Variants in C1QL4 observed in about 807,000 individuals in gnomAD.
C1QL4 encodes the protein complement C1q-like protein 4.
A neutral mutation model predicts 13.4 loss-of-function variants in C1QL4; 5 were observed. The observed-to-expected ratio is 0.37, with a 90% CI of 0.19 to 0.78. C1QL4 has a LOEUF of 0.78. C1QL4 is among the 30% of genes least tolerant of loss of function. The pLI is 0.47. For missense variants in C1QL4, 367 were observed against 361.6 expected (o/e 1.01, Z -0.12); for synonymous variants, 168 against 153.9 (o/e 1.09, Z -0.68).
At position 49,336,294 on chromosome 12, in the gene C1QL4, G is replaced by C. The variant is rs1943632038; in HGVS notation, c.184C>G (p.Arg62Gly). ...CCCCGCAGGCCTGCTTTCCCGCGCC[G>C]GCCCACCTCTCCCTTGGCGCCTGGC... ...FPPGAKGEVGRRGKAGLRGPP... is the reference protein window; with the variant it reads ...FPPGAKGEVGGRGKAGLRGPP... Residue 62 changes from arginine (R) to glycine (G), a missense_variant, in exon 1 of 2, where the codon CGG becomes GGG. Arg to Gly is a moderately radical substitution (Grantham distance 125). Transcript: ENST00000334221. The surrounding 1 kb of genome is among the most constrained non-coding windows in gnomAD (Gnocchi z 7.7). The C allele has an allele frequency of 2.8e-6, 4 of 1,419,180 alleles. No individual in the cohort carries two copies. Among genetic ancestry groups the C allele is most frequent in the Middle Eastern group, 2.6e-4 (1 of 3,864 alleles). 87.9% of individuals were successfully genotyped at this position (1,419,180 alleles called of 1,614,324 possible).
At chr12:49,334,531 C>T (rs1003409478) in intron 1 of C1QL4, among the ~76,000 whole-genome samples, 7 of 152,168 alleles carry the variant, frequency 4.6e-5, no homozygotes, top group Non-Finnish European at 1.0e-4. Context: ...TGGTTATTAA[C>T]TCATTAATTA....
intron 1 of C1QL4, among the ~76,000 whole-genome samples, chr12:49,335,127 T>TGG (rs1555173496): frequency 6.6e-6 from 1 of 152,236 alleles, no homozygotes; most frequent in Non-Finnish European, 1.5e-5. Context: ...GAGGCAACAG[T>TGG]GACTCCAACT....
In C1QL4 at chr12:49,336,347, C is replaced by G; in HGVS notation, c.131G>C (p.Gly44Ala). The change falls in exon 1 of 2, where the codon GGC becomes GCC. Residue 44 changes from glycine to alanine, a missense_variant. Transcript: ENST00000334221. The surrounding 1 kb of genome is among the most constrained non-coding windows in gnomAD (Gnocchi z 7.7). ...PHGPRGPGPD[G>A]APASVPPFPP... ...GAAGGGGGGCACGGAAGCAGGCGCG[C>G]CGTCGGGACCAGGGCCACGGGGCCC... 2.8e-6 allele frequency: 4 copies of G among 1,430,954 alleles called. No homozygotes were observed. Among genetic ancestry groups the G allele is most frequent in the Non-Finnish European group, 2.7e-6 (3 of 1,102,976 alleles). 88.6% of individuals were successfully genotyped at this position (1,430,954 alleles called of 1,614,324 possible).
chr12:49,333,310 G>A (rs1482774406), intron 1 of C1QL4, 77 bp from the exon 2 acceptor site: 3 of 1,477,936 alleles, frequency 2.0e-6, no homozygotes, highest in African/African-American at 2.8e-5. Flanking sequence ...CTGGGCGTGC[G>A]AAGGCGGCCG....
At chr12:49,333,301 T>G in intron 1 of C1QL4, 68 bp from the exon 2 acceptor site, 1 of 1,511,328 alleles carries the variant, frequency 6.6e-7, no homozygotes, top group Non-Finnish European at 8.9e-7. Flanking sequence ...TCGGGGCGGC[T>G]GGGCGTGCGA....
intron 1 of C1QL4, among the ~76,000 whole-genome samples, chr12:49,334,004 A>G: frequency 6.6e-6 from 1 of 151,632 alleles, no homozygotes; most frequent in East Asian, 2.0e-4. Context: ...GACCGGCCTG[A>G]CTAACATGGA....
rs1046391012 is a variant in C1QL4, at chr12:49,332,750, ACTGCTCCCCAT to A, written c.*293_*303del. On this transcript the variant is annotated 3_prime_UTR_variant, in exon 2 of 2. Coordinates refer to ENST00000334221, the MANE Select transcript of C1QL4 (RefSeq NM_001008223.2). ...TGGGCCTCTGAGTCCCGCTATTAAAACTGCTCCCCATCTCTGTACAAAAGAGAAAGCCACGA... is the reference window on the plus strand; with the variant it reads ...TGGGCCTCTGAGTCCCGCTATTAAAACTCTGTACAAAAGAGAAAGCCACGA... 4.4e-5 allele frequency: 14 copies of A among 319,098 alleles called. No homozygotes were observed. The highest frequency in any genetic ancestry group is 6.9e-5 in the Non-Finnish European group (12 of 173,548). 19.8% of individuals were successfully genotyped at this position (319,098 alleles called of 1,614,324 possible). A position where few individuals can be genotyped will look rare whatever the true frequency, so the allele number is the denominator to read the frequency against.
rs372794441 is a variant in C1QL4 at position 49,333,486 on chromosome 12, A to G, written c.538-253T>C. 7.9e-5 allele frequency among the ~76,000 whole-genome samples: 12 copies of G among 151,548 alleles called. No individual in the cohort carries two copies. The South Asian group carries it at 1.5e-3, about 18-fold the overall frequency. On this transcript the variant is annotated intron_variant, in intron 1 of 1. Transcript: ENST00000334221. ...GGGACAATAATAGAACCCACCTCAT[A>G]GGGTGTTAAGATTAAGTGAATTACT...
chr12:49,336,228 G>T lies in C1QL4; in HGVS notation c.250C>A (p.Pro84Thr). ...GGGCCCGGGGGGCCTGGCCTGCCGG[G>T]TTCTCCTGGGGGCCCTCTTGGACCT... Reference protein sequence around the residue: ...PPGPRGPPGEPGRPGPPGPPG... With the variant: ...PPGPRGPPGETGRPGPPGPPG... The change falls in exon 1 of 2, where the codon CCC becomes ACC. Residue 84 changes from proline (P) to threonine (T), a missense_variant. Coordinates refer to ENST00000334221, the MANE Select transcript of C1QL4 (RefSeq NM_001008223.2). This position sits in a 1 kb window ranked among gnomAD's most constrained non-coding sequence, Gnocchi z 7.7. 1 of 1,488,184 alleles carries T rather than the reference G, an allele frequency of 6.7e-7. No homozygotes were observed. Among genetic ancestry groups the T allele is most frequent in the Non-Finnish European group, 8.9e-7 (1 of 1,122,924 alleles). The allele number at this position is 1,488,184 out of a possible 1,614,324, so 92.2% of individuals were successfully genotyped here.
chr12:49,336,704 C>T lies in C1QL4; in HGVS notation c.-227G>A, dbSNP rs888783415. Reference sequence around the variant, plus strand: ...GGGCTCCAGCCGCGGCGGTGCCGCTCCCCAAGCCGTCCGTCAAGGGGAGGC... The same window carrying T: ...GGGCTCCAGCCGCGGCGGTGCCGCTTCCCAAGCCGTCCGTCAAGGGGAGGC... On this transcript the variant is annotated 5_prime_UTR_variant, in exon 1 of 2. Coordinates refer to ENST00000334221, the MANE Select transcript of C1QL4 (RefSeq NM_001008223.2). This position sits in a 1 kb window ranked among gnomAD's most constrained non-coding sequence, Gnocchi z 7.7. The T allele has an allele frequency of 4.0e-6, 2 of 501,258 alleles. No homozygotes were observed. The highest frequency in any genetic ancestry group is 6.8e-6 in the Non-Finnish European group (2 of 295,096). 31.1% of individuals were successfully genotyped at this position (501,258 alleles called of 1,614,324 possible).
rs1210165868 is a variant in C1QL4 at position 49,334,812 on chromosome 12, G to A, written c.537+1129C>T. 2.6e-5 allele frequency among the ~76,000 whole-genome samples: 4 copies of A among 152,076 alleles called. No individual in the cohort carries two copies. In the East Asian group the frequency reaches 7.7e-4, roughly 29 times the overall value. ...CATACATATTCTTTCACTCCATGAG[G>A]ACGCACACTCACTCCCTTTCCCCGG... On this transcript the variant is annotated intron_variant, in intron 1 of 1. Transcript: ENST00000334221.
At position 49,336,831 on chromosome 12, in the gene C1QL4, C is replaced by G. The variant is rs1943637675; in HGVS notation, c.-354G>C. ...AACGATCCTGGGCACCTGAGATCCG[C>G]GGCTTCTCGGACGGCTGGTTTCTTA... is the stretch of plus-strand genomic sequence containing the variant. On this transcript the variant is annotated 5_prime_UTR_variant, in exon 1 of 2. Transcript: ENST00000334221. This position sits in a 1 kb window ranked among gnomAD's most constrained non-coding sequence, Gnocchi z 7.7. The G allele has an allele frequency of 8.1e-6, 2 of 247,948 alleles. No homozygotes were observed. The highest frequency in any genetic ancestry group is 1.5e-5 in the Non-Finnish European group (2 of 129,374). 15.4% of individuals were successfully genotyped at this position (247,948 alleles called of 1,614,324 possible). A position where few individuals can be genotyped will look rare whatever the true frequency, so the allele number is the denominator to read the frequency against.
In C1QL4 at chr12:49,333,078, G is replaced by C; in HGVS notation, c.693C>G (p.Ser231=). 6.2e-7 allele frequency: 1 copy of C among 1,613,710 alleles called. No individual in the cohort carries two copies. The highest frequency in any genetic ancestry group is 8.5e-7 in the Non-Finnish European group (1 of 1,179,814). The change falls in exon 2 of 2, where the codon TCC becomes TCG. Residue 231 remains serine (S), a synonymous_variant. Coordinates refer to ENST00000334221, the MANE Select transcript of C1QL4 (RefSeq NM_001008223.2). ...CTCAGTCGGGGTAGATGATGAAGCC[G>C]GAGAAGGTGCTGTACTTGTTGGTGT... The part of the protein sequence containing the change: ...GGNTNKYSTF[S]GFIIYPD
rs757095790 is a variant in C1QL4, at chr12:49,336,213, G to T, written c.265C>A (p.Pro89Thr). The change falls in exon 1 of 2, where the codon CCC becomes ACC. Residue 89 changes from proline (P) to threonine (T), a missense_variant. By Grantham distance (38) the Pro-to-Thr change is conservative. Transcript: ENST00000334221. This position sits in a 1 kb window ranked among gnomAD's most constrained non-coding sequence, Gnocchi z 7.7. ...GPPGEPGRPGPPGPPGPGPGG... is the reference protein window; with the variant it reads ...GPPGEPGRPGTPGPPGPGPGG... The stretch of plus-strand genomic sequence containing the variant: ...GGACCTGGACCGGGAGGGCCCGGGG[G>T]GCCTGGCCTGCCGGGTTCTCCTGGG... The T allele has an allele frequency of 1.5e-5, 23 of 1,525,422 alleles. No individual in the cohort carries two copies. The highest frequency in any genetic ancestry group is 1.5e-4 in the South Asian group (12 of 80,958). 94.5% of individuals were successfully genotyped at this position (1,525,422 alleles called of 1,614,324 possible).
chr12:49,335,906 C>T, intron 1 of C1QL4, 35 bp downstream of exon 1: 1 of 1,574,704 alleles, frequency 6.4e-7, no homozygotes, highest in Non-Finnish European at 8.6e-7. Context: ...AGAGAGCGAC[C>T]AGTCTGAGCT....
intron 1 of C1QL4, among the ~76,000 whole-genome samples, chr12:49,334,508 G>C (rs1943616588): frequency 6.6e-6 from 1 of 152,216 alleles, no homozygotes; most frequent in African/African-American, 2.4e-5. Context: ...CTTCTAGAGA[G>C]TCCCACAGGG....
chr12:49,333,293 G>T, intron 1 of C1QL4, 60 bp from the exon 2 acceptor site: 1 of 1,531,704 alleles, frequency 6.5e-7, no homozygotes, highest in East Asian at 2.4e-5. Context: ...GAGAGGGGTC[G>T]GGGCGGCTGG....
intron 1 of C1QL4, 138 bp downstream of exon 1, chr12:49,335,803 T>G: frequency 9.4e-7 from 1 of 1,069,316 alleles, no homozygotes; most frequent in Non-Finnish European, 1.3e-6. Flanking sequence ...GTAAATGAAG[T>G]CATCTATCGT....
rs756530612 is a variant in C1QL4, at chr12:49,336,153, G to A, written c.325C>T (p.Arg109Cys). ...CGCAGGCCCGCGTAGAAAGCAATGC[G>A]AGGCACGTAGCCGGCAGCGGGCGCC... ...GVAPAAGYVP[R>C]IAFYAGLRRP... Residue 109 changes from arginine (R) to cysteine (C), a missense_variant, in exon 1 of 2, where the codon CGC (arginine) becomes TGC (cysteine). By Grantham distance (180) the Arg-to-Cys change is radical. Transcript: ENST00000334221. This position sits in a 1 kb window ranked among gnomAD's most constrained non-coding sequence, Gnocchi z 7.7. 4.4e-6 allele frequency: 7 copies of A among 1,606,478 alleles called. No individual in the cohort carries two copies. The highest frequency in any genetic ancestry group is 5.1e-6 in the Non-Finnish European group (6 of 1,176,832).
Sources: gnomAD v4.1 joint callset for allele counts (sites outside exome capture counted in the v4.1 genomes callset) on GRCh38, gnomAD v4.1.1 for gene constraint, Gnocchi (gnomAD v3.1) non-coding constraint, MANE v1.5 for transcripts, NCBI Gene and HGNC (gene_info 2026-07-23, HGNC 2026-07-21) for gene names.